The following NLRP5 variants were observed in gnomAD, a reference collection of about 807,000 sequenced individuals.
The protein encoded by NLRP5 is NLR family pyrin domain containing 5, also known as NACHT, LRR and PYD domains-containing protein 5.
NLRP5 carries 93 observed loss-of-function variants against 113.1 expected under a neutral mutation model. The ratio of observed to expected loss-of-function variants is 0.82; its 90% CI spans 0.70 to 0.98. The LOEUF (loss-of-function observed/expected upper bound fraction) is 0.98. Ranked by LOEUF, NLRP5 falls within the 50% of genes least tolerant of loss-of-function variation. The probability of loss-of-function intolerance (pLI) is 0.00; values close to 1 mark genes in which losing one functional copy is unlikely to be tolerated. For synonymous variants in NLRP5, 751 were observed against 600.7 expected (o/e 1.25, Z -3.66); for missense variants, 1,808 against 1,514.3 (o/e 1.19, Z -3.22).
At chr19:56,032,818 C>T (rs1245448253) in intron 8 of NLRP5, 37 bp downstream of exon 8, 1 of 1,567,642 alleles carries the variant, frequency 6.4e-7, no homozygotes, top group East Asian at 2.3e-5. Flanking sequence ...AATCCCTTCC[C>T]ATGACGCTAT....
intron 7 of NLRP5, among the ~76,000 whole-genome samples, chr19:56,032,238 G>A (rs935527688): frequency 3.3e-5 from 5 of 152,058 alleles, no homozygotes; most frequent in Admixed American, 6.6e-5. Flanking sequence ...CCAGCTACTC[G>A]GGAGGCTGAG....
In NLRP5 at chr19:56,061,744, CTG is replaced by C. The variant is rs1984363440; in HGVS notation, c.*219_*220del. ...ACCTTCAAGTCATAGGACTCAGTAT[CTG>C]TGAAATGTCCGTCATATCTCAGAGC... On this transcript the variant is annotated 3_prime_UTR_variant, in exon 15 of 15. Coordinates refer to ENST00000390649, the MANE Select transcript of NLRP5 (RefSeq NM_153447.4). 4 of 535,700 alleles carry C rather than the reference CTG, an allele frequency of 7.5e-6. No individual in the cohort carries two copies. The highest frequency in any genetic ancestry group is 6.8e-5 in the Admixed American group (2 of 29,504). 33.2% of individuals were successfully genotyped at this position (535,700 alleles called of 1,614,324 possible).
intron 13 of NLRP5, among the ~76,000 whole-genome samples, chr19:56,055,763 T>G (rs868067226): frequency 2.0e-5 from 3 of 151,736 alleles, no homozygotes; most frequent in Non-Finnish European, 4.4e-5. Context: ...GCCAGGATGG[T>G]CTCAATCTCC....
At chr19:56,025,951 G>T (rs181954581) in intron 6 of NLRP5, among the ~76,000 whole-genome samples, 40 of 152,236 alleles carry the variant, frequency 2.6e-4, no homozygotes, top group Non-Finnish European at 4.4e-5. Flanking sequence ...AGGTCCAAGA[G>T]TGAGTAAGAA....
At chr19:56,044,515 C>G (rs1983649827) in intron 11 of NLRP5, among the ~76,000 whole-genome samples, 1 of 152,128 alleles carries the variant, frequency 6.6e-6, no homozygotes, top group African/African-American at 2.4e-5. Flanking sequence ...TGTTGAAGAT[C>G]CGTTGGCTGT....
At chr19:55,996,735 C>T (rs1246775540), upstream of NLRP5, among the ~76,000 whole-genome samples, 2 of 152,152 alleles carry the variant, frequency 1.3e-5, no homozygotes, top group Admixed American at 1.3e-4. Flanking sequence ...CAGTCTATCA[C>T]TGATGGACAT....
the NLRP5 span, among the ~76,000 whole-genome samples, chr19:55,994,409 T>G: frequency 1.3e-5 from 2 of 152,028 alleles, no homozygotes; most frequent in Non-Finnish European, 2.9e-5. Flanking sequence ...GGGGTTTTTT[T>G]GGGAGGGGGG....
At chr19:56,044,252 C>A (rs886180421) in intron 11 of NLRP5, among the ~76,000 whole-genome samples, 2 of 151,868 alleles carry the variant, frequency 1.3e-5, no homozygotes, top group Non-Finnish European at 2.9e-5. Flanking sequence ...TTAGTAGAGA[C>A]GGGGTTTCAC....
At chr19:55,998,323 C>T (rs374418772), upstream of NLRP5, among the ~76,000 whole-genome samples, 1 of 152,182 alleles carries the variant, frequency 6.6e-6, no homozygotes, top group South Asian at 2.1e-4. Context: ...AGTCACCACA[C>T]TCCAGCCTGA....
intron 14 of NLRP5, among the ~76,000 whole-genome samples, chr19:56,060,155 T>C (rs1233626794): frequency 4.6e-5 from 7 of 152,214 alleles, no homozygotes; most frequent in Non-Finnish European, 7.3e-5. Context: ...ACTATAGCCA[T>C]TGACAAGATC....
intron 13 of NLRP5, 96 bp downstream of exon 13, chr19:56,053,904 T>G (rs1418434470): frequency 1.7e-6 from 2 of 1,145,112 alleles, no homozygotes; most frequent in South Asian, 1.4e-5. Context: ...TGATCTGGTT[T>G]CCATGAGTCC....
intron 7 of NLRP5, among the ~76,000 whole-genome samples, chr19:56,032,143 G>A (rs1014761516): frequency 6.6e-6 from 1 of 152,060 alleles, no homozygotes; most frequent in Non-Finnish European, 1.5e-5. Flanking sequence ...TCAGGAGTTC[G>A]AGACCATCCT....
intron 9 of NLRP5, among the ~76,000 whole-genome samples, chr19:56,036,079 T>C (rs1983302955): frequency 6.9e-6 from 1 of 145,078 alleles, no homozygotes; most frequent in African/African-American, 2.6e-5. Flanking sequence ...TTTTTTTTTT[T>C]TGGAGACAGA....
At chr19:56,031,130 A>G (rs551012467) in intron 7 of NLRP5, among the ~76,000 whole-genome samples, 2 of 152,266 alleles carry the variant, frequency 1.3e-5, no homozygotes, top group South Asian at 2.1e-4. Flanking sequence ...GATGATTGCC[A>G]GTGGACGGGA....
upstream of NLRP5, among the ~76,000 whole-genome samples, chr19:55,999,212 C>CTTTTTT (rs906346601): frequency 1.5e-3 from 172 of 111,654 alleles, no homozygotes; most frequent in African/African-American, 2.2e-3. Context: ...TTTTCTTTTT[C>CTTTTTT]TTTTTTTTTT....
At chr19:56,008,010 A>G (rs71368879) in intron 2 of NLRP5, among the ~76,000 whole-genome samples, 47,274 of 106,648 alleles carry the variant, frequency 0.44, 13,992 homozygotes, top group Non-Finnish European at 0.6. Flanking sequence ...CTCACTGCAA[A>G]CTCCGCCTCC....
chr19:56,007,681 T>C (rs1256861922), intron 2 of NLRP5, among the ~76,000 whole-genome samples: 1 of 151,016 alleles, frequency 6.6e-6, no homozygotes, highest in Admixed American at 6.6e-5. Context: ...GTAATAGAAA[T>C]CATCAAACTT....
chr19:56,028,058 C>T lies in NLRP5; in HGVS notation c.1825C>T (p.Pro609Ser), dbSNP rs951692493. 1.2e-6 allele frequency: 2 copies of T among 1,613,852 alleles called. No homozygotes were observed. The highest frequency in any genetic ancestry group is 1.3e-5 in the African/African-American group (1 of 74,926). The change falls in exon 7 of 15, where the codon CCT (proline) becomes TCT (serine). Residue 609 changes from proline to serine, a missense_variant. By Grantham distance (74) the Pro-to-Ser change is moderately conservative. Transcript: ENST00000390649. The stretch of plus-strand genomic sequence containing the variant: ...CCTGGAAATCGAGCCAGCTCTCTGC[C>T]CTCTGTACGTTGAGAAGACAAAGAG...
At chr19:55,991,548 AT>A in the NLRP5 span, among the ~76,000 whole-genome samples, 1 of 152,114 alleles carries the variant, frequency 6.6e-6, no homozygotes, top group Non-Finnish European at 1.5e-5. Context: ...ACTTTTCTAA[AT>A]TATGCATGTT....
Sources: gnomAD v4.1 joint callset for allele counts (sites outside exome capture counted in the v4.1 genomes callset) on GRCh38, gnomAD v4.1.1 for gene constraint, MANE v1.5 for transcripts, NCBI Gene and HGNC (gene_info 2026-07-23, HGNC 2026-07-21) for gene names.